TMPRSS15: variants seen among roughly 807,000 people sequenced by gnomAD.
TMPRSS15 encodes enteropeptidase.
Under a neutral mutation model 125.3 loss-of-function variants are expected in TMPRSS15, and 128 were observed. The observed-to-expected ratio is 1.02, with a 90% confidence interval of 0.89 to 1.18. The LOEUF is 1.18. Ranked by LOEUF, TMPRSS15 falls within the 50% of genes most tolerant of loss-of-function variation. The pLI is 0.00. For synonymous variants in TMPRSS15, 446 were observed against 423.2 expected, an observed-to-expected ratio of 1.05 and a Z score of -0.66; for missense variants, 1,283 against 1,212.7, an observed-to-expected ratio of 1.06 and a Z score of -0.86.
intron 10 of TMPRSS15, among the ~76,000 whole-genome samples, chr21:18,345,538 C>G (rs944049572): frequency 1.1e-4 from 17 of 150,452 alleles, no homozygotes; most frequent in South Asian, 6.4e-4. Context: ...TCAGGAGATC[C>G]AGACCATCCT....
In TMPRSS15 at chr21:18,279,072, G is replaced by A; in HGVS notation, c.2669-13C>T. 3.0e-6 allele frequency: 4 copies of A among 1,335,424 alleles called. No individual in the cohort carries two copies. The highest frequency in any genetic ancestry group is 1.5e-5 in the African/African-American group (1 of 68,758). The allele number at this position is 1,335,424 out of a possible 1,614,324, so 82.7% of individuals were successfully genotyped here. On this transcript the variant is annotated splice_polypyrimidine_tract_variant and intron_variant, in intron 22 of 24. Transcript: ENST00000284885. ...GGTTGTATGTAATCTGGAAAAACAA[G>A]CAAACAGCAAAACGAACAAACGAAG... is the stretch of plus-strand genomic sequence containing the variant.
At chr21:18,356,160 A>T (rs557037093) in intron 8 of TMPRSS15, among the ~76,000 whole-genome samples, 1 of 151,980 alleles carries the variant, frequency 6.6e-6, no homozygotes, top group South Asian at 2.1e-4. Context: ...TCATTTGTCT[A>T]CTAACAGCAA....
intron 1 of TMPRSS15, among the ~76,000 whole-genome samples, chr21:18,481,210 A>G (rs1444300420): frequency 6.6e-6 from 1 of 151,826 alleles, no homozygotes. Flanking sequence ...CCCTTATTTC[A>G]TCACAGGTAC....
chr21:18,347,723 AT>A (rs375461248), intron 10 of TMPRSS15, among the ~76,000 whole-genome samples: 1 of 152,068 alleles, frequency 6.6e-6, no homozygotes, highest in East Asian at 1.9e-4. Flanking sequence ...AACTGAAGAG[AT>A]TTTTTCATAA....
At chr21:18,294,141 T>C (rs2074871710) in intron 21 of TMPRSS15, 129 bp downstream of exon 21, 8 of 1,082,184 alleles carry the variant, frequency 7.4e-6, no homozygotes, top group Admixed American at 4.0e-5. Flanking sequence ...ATAATTGGAA[T>C]GTTTATAATG....
At chr21:18,447,550 C>T (rs1330921349) in intron 1 of TMPRSS15, among the ~76,000 whole-genome samples, 2 of 151,096 alleles carry the variant, frequency 1.3e-5, no homozygotes, top group Non-Finnish European at 2.9e-5. Flanking sequence ...TCATCTTGAA[C>T]TGTAGTTCTG....
chr21:18,297,941 C>T, intron 18 of TMPRSS15, 112 bp from the exon 19 acceptor site: 1 of 747,944 alleles, frequency 1.3e-6, no homozygotes, highest in Non-Finnish European at 2.2e-6. Flanking sequence ...TATGGGATAC[C>T]AGCCAAAAAA....
intron 1 of TMPRSS15, among the ~76,000 whole-genome samples, chr21:18,449,736 C>A (rs2076263326): frequency 6.6e-6 from 1 of 151,812 alleles, no homozygotes; most frequent in African/African-American, 2.4e-5. Flanking sequence ...AGTATCTTGG[C>A]AATGGAAAAT....
chr21:18,382,163 G>A lies in TMPRSS15; in HGVS notation c.496+1464C>T, dbSNP rs181390695. Among the ~76,000 whole-genome samples the A allele has an allele frequency of 2.0e-5, 3 of 152,070 alleles. No homozygotes were observed. The East Asian group carries it at 5.8e-4, about 29-fold the overall frequency. ...AAGTCTAAATGACTGTGTGAAAAAG[G>A]CCATTTACCAAAAGTATCTGTGTTT... On this transcript the variant is annotated intron_variant, in intron 4 of 24. Transcript: ENST00000284885.
intron 3 of TMPRSS15, among the ~76,000 whole-genome samples, chr21:18,393,082 G>A (rs1380448834): frequency 6.6e-6 from 1 of 152,142 alleles, no homozygotes; most frequent in East Asian, 1.9e-4. Flanking sequence ...CAGATGATGT[G>A]GCAGGACTGA....
chr21:18,342,487 A>G (rs1207462378), intron 12 of TMPRSS15, among the ~76,000 whole-genome samples: 1 of 152,204 alleles, frequency 6.6e-6, no homozygotes, highest in Non-Finnish European at 1.5e-5. Flanking sequence ...TATCTGTAGA[A>G]CTTGACTCTC....
chr21:18,478,671 G>A (rs9637048), intron 1 of TMPRSS15, among the ~76,000 whole-genome samples: 2 of 151,568 alleles, frequency 1.3e-5, no homozygotes, highest in Non-Finnish European at 1.5e-5. Context: ...CTCAGTCTTC[G>A]CTTGTTTCCT....
At chr21:18,396,199 T>C (rs2076033063) in intron 3 of TMPRSS15, among the ~76,000 whole-genome samples, 1 of 152,204 alleles carries the variant, frequency 6.6e-6, no homozygotes, top group East Asian at 1.9e-4. Flanking sequence ...AAAGAGAAGT[T>C]TCCTTTTCCA....
chr21:18,429,755 T>C (rs2076212428), intron 1 of TMPRSS15, among the ~76,000 whole-genome samples: 1 of 152,204 alleles, frequency 6.6e-6, no homozygotes, highest in African/African-American at 2.4e-5. Flanking sequence ...TTAACATGCC[T>C]ACGTAGATGT....
intron 21 of TMPRSS15, among the ~76,000 whole-genome samples, chr21:18,282,582 G>T (rs556381344): frequency 6.6e-6 from 1 of 152,330 alleles, no homozygotes; most frequent in South Asian, 2.1e-4. Flanking sequence ...AGTAAAGCCA[G>T]TGAGCGTCCA....
intron 10 of TMPRSS15, 80 bp downstream of exon 10, chr21:18,352,823 C>A (rs1469954009): frequency 1.4e-6 from 2 of 1,409,250 alleles, no homozygotes; most frequent in Non-Finnish European, 2.0e-6. Flanking sequence ...GCTCACTTTA[C>A]ACTGCAGTAC....
chr21:18,410,135 T>C (rs572216098), intron 1 of TMPRSS15, among the ~76,000 whole-genome samples: 1 of 147,452 alleles, frequency 6.8e-6, no homozygotes, highest in South Asian at 2.2e-4. Flanking sequence ...TTTTTTGCAA[T>C]TTAAGTGGTT....
intron 10 of TMPRSS15, among the ~76,000 whole-genome samples, chr21:18,345,740 C>CAAAAAAAAGAAAAAAAAAAA (rs2075500611): frequency 6.4e-5 from 1 of 15,556 alleles, no homozygotes; most frequent in Non-Finnish European, 1.4e-4. Flanking sequence ...GACTCCGTCT[C>CAAAAAAAAGAAAAAAAAAAA]AAAAAAAAAA....
chr21:18,275,461 T>C (rs2074608771), intron 23 of TMPRSS15, 125 bp from the exon 24 acceptor site: 1 of 1,158,820 alleles, frequency 8.6e-7, no homozygotes, highest in Admixed American at 1.9e-5. Flanking sequence ...GTATATATAA[T>C]GGAACTAAAT....
Sources: allele counts gnomAD v4.1 joint callset (sites outside exome capture counted in the v4.1 genomes callset), GRCh38; gene constraint gnomAD v4.1.1; transcripts MANE v1.5; gene names NCBI Gene and HGNC (gene_info 2026-07-23, HGNC 2026-07-21).